SYTL2: variants seen among roughly 807,000 people sequenced by gnomAD.
SYTL2 encodes synaptotagmin like 2.
A neutral mutation model predicts 198.7 loss-of-function variants in SYTL2; 165 were observed. That is an observed-to-expected ratio of 0.83 (90% CI 0.73 to 0.94). The LOEUF (loss-of-function observed/expected upper bound fraction) is 0.94. SYTL2 is among the 40% of genes least tolerant of loss of function. The pLI is 0.00. For synonymous variants in SYTL2, 966 were observed against 917.7 expected (o/e 1.05, Z -0.95); for missense variants, 2,835 against 2,582.8 (o/e 1.10, Z -2.12).
chr11:85,730,475 A>G (rs1463825013), intron 7 of SYTL2, among the ~76,000 whole-genome samples: 1 of 152,234 alleles, frequency 6.6e-6, no homozygotes, highest in Non-Finnish European at 1.5e-5. Context: ...TCACGTAAAC[A>G]GAACCAATGA....
intron 2 of SYTL2, among the ~76,000 whole-genome samples, chr11:85,753,765 TTAAAAAAAA>T (rs1435227132): frequency 2.0e-5 from 2 of 101,842 alleles, no homozygotes; most frequent in East Asian, 3.0e-4. Context: ...ACTCTCTTTT[TTAAAAAAAA>T]AAAAAAAAAA....
intron 4 of SYTL2, among the ~76,000 whole-genome samples, chr11:85,744,023 A>C (rs1254607915): frequency 2.0e-5 from 3 of 152,098 alleles, no homozygotes; most frequent in Non-Finnish European, 4.4e-5. Context: ...CTTTAACATG[A>C]CAATATTTTA....
At chr11:85,744,379 T>G (rs2091007962) in intron 4 of SYTL2, among the ~76,000 whole-genome samples, 1 of 152,214 alleles carries the variant, frequency 6.6e-6, no homozygotes, top group African/African-American at 2.4e-5. Flanking sequence ...AATTAGTGAC[T>G]ACTATTAAGG....
At chr11:85,831,152 A>G in the SYTL2 span, among the ~76,000 whole-genome samples, 1 of 152,204 alleles carries the variant, frequency 6.6e-6, no homozygotes, top group Admixed American at 6.6e-5. Context: ...TCATGTGTGG[A>G]TACTCATAAT....
At chr11:85,803,310 T>A (rs938927460) in intron 1 of SYTL2, among the ~76,000 whole-genome samples, 5 of 152,222 alleles carry the variant, frequency 3.3e-5, no homozygotes, top group African/African-American at 7.2e-5. Flanking sequence ...ATCAACTTCA[T>A]TTCTACTCAA....
At chr11:85,838,049 A>G in the SYTL2 span, among the ~76,000 whole-genome samples, 10 of 152,136 alleles carry the variant, frequency 6.6e-5, no homozygotes, top group Admixed American at 2.0e-4. Context: ...AGTCATGACA[A>G]TTTAAAATGT....
intron 1 of SYTL2, among the ~76,000 whole-genome samples, chr11:85,762,224 A>AACCT (rs766237128): frequency 5.5e-4 from 84 of 152,370 alleles, no homozygotes; most frequent in Admixed American, 9.1e-4. Flanking sequence ...GAACGGGGGC[A>AACCT]ACCTCAGTGC....
At chr11:85,819,837 C>A in the SYTL2 span, among the ~76,000 whole-genome samples, 4 of 152,172 alleles carry the variant, frequency 2.6e-5, no homozygotes, top group Non-Finnish European at 5.9e-5. Flanking sequence ...TGTATTTCTG[C>A]ATATGTAACA....
At chr11:85,773,766 C>G (rs116385307) in intron 1 of SYTL2, among the ~76,000 whole-genome samples, 2,262 of 152,104 alleles carry the variant, frequency 0.015, 51 homozygotes, top group African/African-American at 0.052. Flanking sequence ...TTTCTCTATT[C>G]AAAAAAGAAA....
the SYTL2 span, among the ~76,000 whole-genome samples, chr11:85,837,980 T>C: frequency 7.2e-5 from 11 of 152,150 alleles, no homozygotes; most frequent in African/African-American, 2.2e-4. Context: ...TACTCACAAA[T>C]GTTATAGAAC....
chr11:85,696,376 T>C lies in SYTL2; in HGVS notation c.6381A>G (p.Pro2127=). 6.2e-7 allele frequency: 1 copy of C among 1,613,824 alleles called. No individual in the cohort carries two copies. Among genetic ancestry groups the C allele is most frequent in the East Asian group, 2.2e-5 (1 of 44,880 alleles). ...TCTGGCGACTTTTCCTACTTGTATC[T>C]GGAAGGATGGTACTACAAAAAGAGG... The part of the protein sequence containing the change: ...LNSFVKCTIL[P]DTSRKSRQKT... Residue 2127 remains proline, a synonymous_variant, in exon 19 of 20, where the codon CCA becomes CCG. Coordinates refer to ENST00000359152, the MANE Select transcript of SYTL2 (RefSeq NM_206927.4).
At chr11:85,747,337 C>T (rs1205527390) in intron 3 of SYTL2, among the ~76,000 whole-genome samples, 1 of 151,676 alleles carries the variant, frequency 6.6e-6, no homozygotes, top group Non-Finnish European at 1.5e-5. Flanking sequence ...ATAAGGAATA[C>T]GCACTATCAT....
the SYTL2 span, among the ~76,000 whole-genome samples, chr11:85,830,340 A>T: frequency 6.6e-6 from 1 of 151,724 alleles, no homozygotes; most frequent in Non-Finnish European, 1.5e-5. Flanking sequence ...ATCAATTTTC[A>T]TTCTGAGAAA....
chr11:85,777,705 G>A (rs141540151), intron 1 of SYTL2, among the ~76,000 whole-genome samples: 1 of 148,988 alleles, frequency 6.7e-6, no homozygotes, highest in Non-Finnish European at 1.5e-5. Flanking sequence ...TTGGGACTCT[G>A]GAATCAGGTA....
chr11:85,714,284 T>G (rs2086797791), intron 12 of SYTL2, 129 bp downstream of exon 12: 2 of 696,076 alleles, frequency 2.9e-6, no homozygotes, highest in Non-Finnish European at 4.9e-6. Flanking sequence ...TCTATTGACT[T>G]GAAAGGCAAG....
intron 1 of SYTL2, among the ~76,000 whole-genome samples, chr11:85,762,149 T>C (rs1271319368): frequency 2.0e-5 from 3 of 152,180 alleles, no homozygotes; most frequent in African/African-American, 7.2e-5. Context: ...ACAAAACCCC[T>C]GTCTCTGTGG....
chr11:85,842,792 G>C, the SYTL2 span, among the ~76,000 whole-genome samples: 1 of 152,156 alleles, frequency 6.6e-6, no homozygotes, highest in Non-Finnish European at 1.5e-5. Context: ...GGAAGAATGC[G>C]AAGACAGGAA....
chr11:85,753,765 TTAA>T (rs768824227), intron 2 of SYTL2, among the ~76,000 whole-genome samples: 13,570 of 101,852 alleles, frequency 0.13, 952 homozygotes, highest in Non-Finnish European at 0.17. Flanking sequence ...ACTCTCTTTT[TTAA>T]AAAAAAAAAA....
Position 85,726,556 on chromosome 11 carries a change from G to A in SYTL2, c.2802C>T (p.Pro934=). 3 of 1,596,466 alleles carry A rather than the reference G, an allele frequency of 1.9e-6. No homozygotes were observed. Among genetic ancestry groups the A allele is most frequent in the Non-Finnish European group, 2.5e-6 (3 of 1,177,296 alleles). The part of the protein sequence containing the change: ...RNITLPALQP[P]SNVGSERHAP... ...CATGTCGTTCACTCCCGACATTTGA[G>A]GGAGGTTGCAGTGCTGGTAAAGTAA... The change falls in exon 8 of 20, where the codon CCC becomes CCT. Residue 934 remains proline (P), a synonymous_variant. Coordinates refer to ENST00000359152, the MANE Select transcript of SYTL2 (RefSeq NM_206927.4).
Sources: allele counts gnomAD v4.1 joint callset (sites outside exome capture counted in the v4.1 genomes callset), GRCh38; gene constraint gnomAD v4.1.1; transcripts MANE v1.5; gene names NCBI Gene and HGNC (gene_info 2026-07-23, HGNC 2026-07-21).